LRP3: variants seen among roughly 807,000 people sequenced by gnomAD.
LRP3 encodes low-density lipoprotein receptor-related protein 3.
A neutral mutation model predicts 58.5 loss-of-function variants in LRP3; 49 were observed. That is an observed-to-expected ratio of 0.84 (90% confidence interval 0.67 to 1.06). The LOEUF (loss-of-function observed/expected upper bound fraction) is 1.06. LRP3 is among the 50% of genes least tolerant of loss of function. The pLI is 0.00. For synonymous variants in LRP3, 485 were observed against 492.2 expected (o/e 0.99, Z 0.20); for missense variants, 1,019 against 1,134.2 (o/e 0.90, Z 1.46).
chr19:33,198,447 A>G (rs1214647325), intron 2 of LRP3, among the ~76,000 whole-genome samples: 1 of 152,150 alleles, frequency 6.6e-6, no homozygotes, highest in African/African-American at 2.4e-5. Flanking sequence ...TGACACCTCC[A>G]GCATTACTGA....
At chr19:33,203,191 C>A (rs1373788209) in intron 3 of LRP3, among the ~76,000 whole-genome samples, 1 of 151,708 alleles carries the variant, frequency 6.6e-6, no homozygotes, top group Non-Finnish European at 1.5e-5. Flanking sequence ...TGGGTGTGTG[C>A]ATGTGTGTGA....
chr19:33,197,088 T>C (rs1022600320), intron 2 of LRP3, among the ~76,000 whole-genome samples: 2 of 152,016 alleles, frequency 1.3e-5, no homozygotes, highest in Admixed American at 1.3e-4. Context: ...CTGCCGAGGG[T>C]CCCGTGGAAT....
chr19:33,204,881 A>G (rs1372542459), intron 4 of LRP3, 29 bp downstream of exon 4: 1 of 1,598,520 alleles, frequency 6.3e-7, no homozygotes, highest in Non-Finnish European at 8.5e-7. Context: ...CAGGCAGGAC[A>G]CCACGGAGCA....
At chr19:33,206,831 C>A in intron 6 of LRP3, 98 bp downstream of exon 6, 1 of 1,357,144 alleles carries the variant, frequency 7.4e-7, no homozygotes, top group Non-Finnish European at 9.9e-7. Context: ...GCAAGGCCTG[C>A]GCAGGGTGAC....
rs1435465338 is a variant in LRP3, at chr19:33,205,636, A to G, written c.866A>G (p.Gln289Arg). ...CACTGCACGTGGCTGGTGGACACAC[A>G]GGACTCCCGGCGGGTGCTGCTGCAG... is the stretch of plus-strand genomic sequence containing the variant. ...DLHCTWLVDTQDSRRVLLQLE... is the reference protein window; with the variant it reads ...DLHCTWLVDTRDSRRVLLQLE... The change falls in exon 5 of 7, where the codon CAG (glutamine) becomes CGG (arginine). Residue 289 changes from glutamine to arginine, a missense_variant. Physicochemically the swap from Gln to Arg is conservative, Grantham distance 43 (BLOSUM62 1). Transcript: ENST00000253193. 2 of 1,611,046 alleles carry G rather than the reference A, an allele frequency of 1.2e-6. No individual in the cohort carries two copies. Among genetic ancestry groups the G allele is most frequent in the African/African-American group, 2.7e-5 (2 of 74,884 alleles).
intron 3 of LRP3, among the ~76,000 whole-genome samples, chr19:33,203,378 C>G (rs1369924615): frequency 6.6e-6 from 1 of 152,094 alleles, no homozygotes; most frequent in Non-Finnish European, 1.5e-5. Flanking sequence ...ATGGAAAAGC[C>G]CATGTCGGAG....
At position 33,194,351 on chromosome 19, in the gene LRP3, C is replaced by A. The variant is rs2145445070; in HGVS notation, c.-435C>A. ...GACTGACAGACCCACGGACGCTCTA[C>A]CGGCGGCACCCGGCCGGGCGGGCTG... On this transcript the variant is annotated 5_prime_UTR_variant, in exon 1 of 7. Coordinates refer to ENST00000253193, the MANE Select transcript of LRP3 (RefSeq NM_002333.4). Among the ~76,000 whole-genome samples, 1 of 145,844 alleles carries A rather than the reference C, an allele frequency of 6.9e-6. No homozygotes were observed. The highest frequency in any genetic ancestry group is 2.0e-4 in the East Asian group (1 of 5,034).
chr19:33,205,626 G>T lies in LRP3; in HGVS notation c.856G>T (p.Val286Leu). The change falls in exon 5 of 7, where the codon GTG (valine) becomes TTG (leucine). Residue 286 changes from valine to leucine, a missense_variant. Physicochemically the swap from Val to Leu is conservative, Grantham distance 32. Coordinates refer to ENST00000253193, the MANE Select transcript of LRP3 (RefSeq NM_002333.4). ...GPSDLHCTWL[V>L]DTQDSRRVLL... ...CTCAGACCTTCACTGCACGTGGCTG[G>T]TGGACACACAGGACTCCCGGCGGGT... 1 of 1,611,386 alleles carries T rather than the reference G, an allele frequency of 6.2e-7. No individual in the cohort carries two copies.
intron 2 of LRP3, among the ~76,000 whole-genome samples, chr19:33,200,238 T>TA (rs1013801151): frequency 8.5e-5 from 13 of 152,170 alleles, no homozygotes; most frequent in South Asian, 6.2e-4. Context: ...TTCTTTTTTT[T>TA]AATTTTTTTT....
chr19:33,204,899 C>T (rs1480346899), intron 4 of LRP3, 47 bp downstream of exon 4: 5 of 1,562,526 alleles, frequency 3.2e-6, no homozygotes, highest in East Asian at 4.5e-5. Context: ...GCACACCGTG[C>T]ATGCCCACAG....
Position 33,207,476 on chromosome 19 carries a change from C to G in LRP3, c.2214C>G (p.Gly738=). The change falls in exon 7 of 7, where the codon GGC becomes GGG. Residue 738 remains glycine (G), a synonymous_variant. Transcript: ENST00000253193. ...PQVSTASSTL[G]PHSPEPLGVC... Reference sequence around the variant, plus strand: ...TCTCCACTGCCAGCAGCACCCTGGGCCCCCACTCGCCAGAGCCACTGGGGG... The same window carrying G: ...TCTCCACTGCCAGCAGCACCCTGGGGCCCCACTCGCCAGAGCCACTGGGGG... The G allele has an allele frequency of 6.3e-7, 1 of 1,599,154 alleles. No individual in the cohort carries two copies. Among genetic ancestry groups the G allele is most frequent in the Non-Finnish European group, 8.5e-7 (1 of 1,176,216 alleles).
chr19:33,206,397 T>G (rs895011317), intron 5 of LRP3, 35 bp downstream of exon 5: 2 of 1,601,338 alleles, frequency 1.2e-6, no homozygotes, highest in Non-Finnish European at 1.7e-6. Flanking sequence ...GGACCGGGCT[T>G]CTTCATCACC....
chr19:33,208,225 CAG>C lies in LRP3; in HGVS notation c.*655_*656del, dbSNP rs1160481531. ...CATGCTGCTCTGTGCTTTCTGGGGA[CAG>C]AGAGGCCGAGGCACCAACAGCAGTG... is the stretch of plus-strand genomic sequence containing the variant. On this transcript the variant is annotated 3_prime_UTR_variant, in exon 7 of 7. Transcript: ENST00000253193. The surrounding 1 kb of genome is among the most constrained non-coding windows in gnomAD (Gnocchi z 4.7). 6.8e-5 allele frequency: 11 copies of C among 161,150 alleles called. No homozygotes were observed. Among genetic ancestry groups the C allele is most frequent in the Admixed American group, 3.4e-4 (6 of 17,430 alleles). The allele number at this position is 161,150 out of a possible 1,614,324, so 10.0% of individuals were successfully genotyped here. A position where few individuals can be genotyped will look rare whatever the true frequency, so the allele number is the denominator to read the frequency against.
At chr19:33,196,623 G>A (rs1210713440) in intron 1 of LRP3, 107 bp from the exon 2 acceptor site, 1 of 1,006,590 alleles carries the variant, frequency 9.9e-7, no homozygotes, top group Non-Finnish European at 1.6e-6. Flanking sequence ...TAAGAGGAAG[G>A]GGACCAGCGG....
chr19:33,207,900 T>A lies in LRP3; in HGVS notation c.*325T>A. 1 of 396,940 alleles carries A rather than the reference T, an allele frequency of 2.5e-6. No homozygotes were observed. The allele number at this position is 396,940 out of a possible 1,614,324, so 24.6% of individuals were successfully genotyped here. Reference sequence around the variant, plus strand: ...CAGAGCCTTTTTGCTTCATCTGCCCTGCAGTGGCAACAGCTGCCCCTAGAG... The same window carrying A: ...CAGAGCCTTTTTGCTTCATCTGCCCAGCAGTGGCAACAGCTGCCCCTAGAG... On this transcript the variant is annotated 3_prime_UTR_variant, in exon 7 of 7. Coordinates refer to ENST00000253193, the MANE Select transcript of LRP3 (RefSeq NM_002333.4).
At chr19:33,204,254 G>C in intron 3 of LRP3, 1 of 254,764 alleles carries the variant, frequency 3.9e-6, no homozygotes, top group Non-Finnish European at 7.6e-6. Flanking sequence ...GAGGTGGAGG[G>C]TTCTGGGCCC....
intron 1 of LRP3, among the ~76,000 whole-genome samples, chr19:33,195,822 C>T (rs1296736805): frequency 6.6e-6 from 1 of 152,210 alleles, no homozygotes; most frequent in African/African-American, 2.4e-5. Context: ...GGGCTCTGAG[C>T]TGCTGGGTGC....
rs747393518 is a variant in LRP3, at chr19:33,204,786, A to G, written c.409A>G (p.Ile137Val). 1 of 1,613,232 alleles carries G rather than the reference A, an allele frequency of 6.2e-7. No individual in the cohort carries two copies. Among genetic ancestry groups the G allele is most frequent in the South Asian group, 1.1e-5 (1 of 91,074 alleles). The change falls in exon 4 of 7, where the codon ATT becomes GTT. Residue 137 changes from isoleucine to valine, a missense_variant. Physicochemically the swap from Ile to Val is conservative, Grantham distance 29 (BLOSUM62 3). Around this residue, in one of 2 missense-constraint regions of LRP3, gnomAD observed 592 missense variants for 725.5 expected, o/e 0.82. Transcript: ENST00000253193. ...AFISARDHVW[I>V]FFHSDASSSG... ...CATCTCTGCCCGCGACCATGTCTGG[A>G]TTTTCTTCCACTCAGACGCCTCCAG...
At chr19:33,202,705 TG>T in intron 2 of LRP3, 142 bp from the exon 3 acceptor site, 1 of 895,148 alleles carries the variant, frequency 1.1e-6, no homozygotes, top group African/African-American at 1.7e-5. Context: ...TCACAAGTTG[TG>T]GCCTTGCCCT....
Sources: gnomAD v4.1 joint callset for allele counts (sites outside exome capture counted in the v4.1 genomes callset) on GRCh38, gnomAD v4.1.1 for gene constraint, gnomAD v4.1.1 regional missense constraint, Gnocchi (gnomAD v3.1) non-coding constraint, MANE v1.5 for transcripts, NCBI Gene and HGNC (gene_info 2026-07-23, HGNC 2026-07-21) for gene names.